AP3D1: variants seen among roughly 807,000 people sequenced by gnomAD.
AP3D1 encodes AP-3 complex subunit delta-1.
In AP3D1, 51 loss-of-function variants were observed where a neutral mutation model predicts 147.6. The observed-to-expected ratio is 0.35, with a 90% CI of 0.28 to 0.44. The LOEUF (loss-of-function observed/expected upper bound fraction) is 0.44. Among genes scored for constraint, AP3D1 ranks in the 20% least tolerant of loss-of-function variants. The probability of loss-of-function intolerance (pLI) is 1.00; values close to 1 mark genes in which losing one functional copy is unlikely to be tolerated. For synonymous variants in AP3D1, 760 were observed against 663.0 expected, an observed-to-expected ratio of 1.15 and a Z score of -2.25; for missense variants, 1,421 against 1,624.2, an observed-to-expected ratio of 0.87 and a Z score of 2.15.
At position 2,137,043 on chromosome 19, in the gene AP3D1, C is replaced by T. The variant is rs919815909; in HGVS notation, c.322G>A (p.Val108Ile). ...ASQSFHEGTDVIMLTTNQIRK... is the reference protein window; with the variant it reads ...ASQSFHEGTDIIMLTTNQIRK... ...ATCTGATTGGTGGTCAGCATGATGA[C>T]GTCGGTGCCTTCGTGAAAGCTCTGG... The change falls in exon 4 of 32, where the codon GTC (valine) becomes ATC (isoleucine). Residue 108 changes from valine to isoleucine, a missense_variant. By Grantham distance (29) the Val-to-Ile change is conservative (BLOSUM62 3). This residue lies in a region of AP3D1 where 292 missense variants were observed against 412.0 expected (regional missense o/e 0.71). Transcript: ENST00000643116. 3.8e-6 allele frequency: 6 copies of T among 1,595,916 alleles called. No individual in the cohort carries two copies. Among genetic ancestry groups the T allele is most frequent in the Non-Finnish European group, 1.7e-6 (2 of 1,171,516 alleles).
chr19:2,143,990 G>T (rs920760413), intron 1 of AP3D1, among the ~76,000 whole-genome samples: 1 of 151,558 alleles, frequency 6.6e-6, no homozygotes, highest in Non-Finnish European at 1.5e-5. Context: ...GGAGGCTGAG[G>T]CAAGAGAATC....
At chr19:2,111,861 A>T (rs760993312) in intron 24 of AP3D1, 33 bp from the exon 25 acceptor site, 1 of 1,611,228 alleles carries the variant, frequency 6.2e-7, no homozygotes, top group Non-Finnish European at 8.5e-7. Flanking sequence ...TTCAGTGCCC[A>T]GGCTGCTCCA....
chr19:2,163,590 A>G (rs1482960866), intron 1 of AP3D1, among the ~76,000 whole-genome samples: 3 of 151,732 alleles, frequency 2.0e-5, no homozygotes, highest in Non-Finnish European at 4.4e-5. Context: ...TATGGGGGGA[A>G]ATTCGGATTT....
At position 2,114,247 on chromosome 19, in the gene AP3D1, A is replaced by G. The variant is rs753905895; in HGVS notation, c.2479T>C (p.Ser827Pro). ...PIQKHRNTET[S>P]KSPEKDVPMV... ...GGAACGTCCTTCTCAGGGGATTTTG[A>G]GGTCTCGGTGTTTCTGTGTTTCTGA... The change falls in exon 22 of 32, where the codon TCA becomes CCA. Residue 827 changes from serine (S) to proline (P), a missense_variant. By Grantham distance (74) the Ser-to-Pro change is moderately conservative. Coordinates refer to ENST00000643116, the MANE Select transcript of AP3D1 (RefSeq NM_001261826.3). 23 of 1,611,228 alleles carry G rather than the reference A, an allele frequency of 1.4e-5. No individual in the cohort carries two copies. In the East Asian group the frequency reaches 4.5e-4, roughly 31 times the overall value.
Position 2,146,607 on chromosome 19 carries a change from CA to C in AP3D1, c.96+4631del, listed in dbSNP as rs397859951. Among the ~76,000 whole-genome samples, 383 of 66,652 alleles carry C rather than the reference CA, an allele frequency of 5.7e-3. 3 individuals are homozygous for C. Among genetic ancestry groups the C allele is most frequent in the Middle Eastern group, 0.038 (5 of 132 alleles). 43.7% of individuals were successfully genotyped at this position (66,652 alleles called of 152,430 possible). On this transcript the variant is annotated intron_variant, in intron 1 of 31. Transcript: ENST00000643116. Reference sequence around the variant, plus strand: ...TGACAGACGGAGCAAGACCCTGTCTCAAAAAAAAAAAAAAAAAAAAGCCGTA... The same window carrying C: ...TGACAGACGGAGCAAGACCCTGTCTCAAAAAAAAAAAAAAAAAAAGCCGTA...
At chr19:2,155,440 A>T (rs1176935857), upstream of AP3D1, among the ~76,000 whole-genome samples, 1 of 148,052 alleles carries the variant, frequency 6.8e-6, no homozygotes, top group Non-Finnish European at 1.5e-5. Flanking sequence ...AGGCTGAGGC[A>T]GGAGAATCAC....
At chr19:2,131,412 C>A (rs1033053339) in intron 5 of AP3D1, among the ~76,000 whole-genome samples, 3 of 150,756 alleles carry the variant, frequency 2.0e-5, no homozygotes, top group African/African-American at 7.3e-5. Context: ...CAGCGCCCAT[C>A]GGCCACGATC....
Position 2,117,016 on chromosome 19 carries a change from G to A in AP3D1, c.1859+206C>T, listed in dbSNP as rs577031408. ...GCAAGGGTGGGAGCAGGCCCACTTC[G>A]CAGGGAGCATCCCCAGGCAGAAGCC... On this transcript the variant is annotated intron_variant, in intron 16 of 31. Coordinates refer to ENST00000643116, the MANE Select transcript of AP3D1 (RefSeq NM_001261826.3). The A allele has an allele frequency of 1.1e-4, 93 of 816,280 alleles. 1 individual carries two copies. In the South Asian group the frequency reaches 1.8e-3, roughly 16 times the overall value. The allele number at this position is 816,280 out of a possible 1,614,324, so 50.6% of individuals were successfully genotyped here. A position where few individuals can be genotyped will look rare whatever the true frequency, so the allele number is the denominator to read the frequency against.
At chr19:2,151,908 G>T (rs138021687), upstream of AP3D1, among the ~76,000 whole-genome samples, 85 of 152,358 alleles carry the variant, frequency 5.6e-4, 1 homozygote, top group East Asian at 0.014. Flanking sequence ...GAGCTTAGCC[G>T]GCAAGTTCCC....
chr19:2,138,496 C>G, intron 2 of AP3D1, 123 bp downstream of exon 2: 1 of 781,660 alleles, frequency 1.3e-6, no homozygotes, highest in Non-Finnish European at 2.2e-6. Context: ...CCCTGAGTGG[C>G]TCACCGACAG....
At chr19:2,132,216 G>C (rs572523704) in intron 5 of AP3D1, among the ~76,000 whole-genome samples, 3 of 152,112 alleles carry the variant, frequency 2.0e-5, no homozygotes, top group Non-Finnish European at 4.4e-5. Flanking sequence ...ATCCCCCACC[G>C]TGCCTGGCCT....
intron 4 of AP3D1, among the ~76,000 whole-genome samples, chr19:2,135,157 C>T (rs577110337): frequency 1.2e-4 from 19 of 152,136 alleles, no homozygotes; most frequent in African/African-American, 4.1e-4. Context: ...GCCAAGATCA[C>T]GCCATTGCAC....
At chr19:2,116,375 TCTGG>T in intron 17 of AP3D1, 97 bp from the exon 18 acceptor site, 1 of 1,380,162 alleles carries the variant, frequency 7.2e-7, no homozygotes, top group Admixed American at 2.2e-5. Flanking sequence ...AGGCTGGATC[TCTGG>T]CTATTTTCAC....
At chr19:2,111,163 G>C in intron 26 of AP3D1, 122 bp downstream of exon 26, 1 of 1,294,162 alleles carries the variant, frequency 7.7e-7, no homozygotes, top group African/African-American at 1.5e-5. Flanking sequence ...GCCCCTGCCA[G>C]GAATCACAGG....
At chr19:2,130,105 C>T (rs1402734573) in intron 6 of AP3D1, among the ~76,000 whole-genome samples, 6 of 152,228 alleles carry the variant, frequency 3.9e-5, no homozygotes, top group Non-Finnish European at 5.9e-5. Context: ...ATCCCCTGCC[C>T]TGTGGAAGGT....
rs778222588 is a variant in AP3D1 at position 2,117,295 on chromosome 19, C to T, written c.1786G>A (p.Val596Ile). ...AGCTCCCCAGCAAAGAGAGCGCTGA[C>T]CTCCTCTGCCACAGGCACGTCCTTG... ...QAKDVPVAEE[V>I]SALFAGELNP... The change falls in exon 16 of 32, where the codon GTC becomes ATC. Residue 596 changes from valine (V) to isoleucine (I), a missense_variant. Val to Ile is a conservative substitution (Grantham distance 29). Coordinates refer to ENST00000643116, the MANE Select transcript of AP3D1 (RefSeq NM_001261826.3). The T allele has an allele frequency of 5.0e-6, 8 of 1,612,808 alleles. No individual in the cohort carries two copies. The African/African-American group carries it at 9.3e-5, about 19-fold the overall frequency.
rs2019502352 is a variant in AP3D1, at chr19:2,151,272, C to T, written c.63G>A (p.Leu21=). Residue 21 remains leucine (L), a synonymous_variant, in exon 1 of 32, where the codon TTG becomes TTA. Transcript: ENST00000643116. ...DRMFDKNLQD[L]VRGIRNHKED... ...CCTTGTGGTTACGGATGCCGCGGACCAAGTCCTGCAGATTCTTGTCGAACA... is the reference window on the plus strand; with the variant it reads ...CCTTGTGGTTACGGATGCCGCGGACTAAGTCCTGCAGATTCTTGTCGAACA... The T allele has an allele frequency of 6.2e-7, 1 of 1,611,968 alleles. No homozygotes were observed. Among genetic ancestry groups the T allele is most frequent in the Non-Finnish European group, 8.5e-7 (1 of 1,178,962 alleles).
chr19:2,157,181 G>A (rs2019652353), intron 1 of AP3D1, among the ~76,000 whole-genome samples: 1 of 150,986 alleles, frequency 6.6e-6, no homozygotes, highest in African/African-American at 2.4e-5. Flanking sequence ...GGTGGCTCAC[G>A]CCTGTAATCC....
intron 29 of AP3D1, 57 bp downstream of exon 29, chr19:2,109,816 A>C: frequency 6.6e-7 from 1 of 1,525,542 alleles, no homozygotes; most frequent in Non-Finnish European, 9.1e-7. Context: ...GGTGTCTGCA[A>C]GGTAGAGGGG....
Sources: allele counts gnomAD v4.1 joint callset (sites outside exome capture counted in the v4.1 genomes callset), GRCh38; gene constraint gnomAD v4.1.1; regional missense constraint gnomAD v4.1.1; transcripts MANE v1.5; gene names NCBI Gene and HGNC (gene_info 2026-07-23, HGNC 2026-07-21).